Variants in RBFOX1 observed in about 807,000 individuals in gnomAD.
The protein encoded by RBFOX1 is RNA binding protein fox-1 homolog 1.
A neutral mutation model predicts 57.7 loss-of-function variants in RBFOX1; 8 were observed. The observed-to-expected ratio is 0.14, with a 90% CI of 0.08 to 0.25. The LOEUF (loss-of-function observed/expected upper bound fraction) is 0.25. Ranked by LOEUF, RBFOX1 falls within the 10% of genes least tolerant of loss-of-function variation. The pLI, the probability that RBFOX1 is intolerant of heterozygous loss-of-function variation, is 1.00. For synonymous variants in RBFOX1, 326 were observed against 222.4 expected, an observed-to-expected ratio of 1.47 and a Z score of -4.15; for missense variants, 611 against 548.5, an observed-to-expected ratio of 1.11 and a Z score of -1.14.
chr16:5,672,679 A>T (rs1344035886), intron 3 of RBFOX1, among the ~76,000 whole-genome samples: 1 of 151,904 alleles, frequency 6.6e-6, no homozygotes, highest in Non-Finnish European at 1.5e-5. Context: ...TTCTTTTATA[A>T]CCACCACCTC....
intron 2 of RBFOX1, among the ~76,000 whole-genome samples, chr16:6,518,624 C>A (rs184036013): frequency 6.6e-6 from 1 of 152,256 alleles, no homozygotes; most frequent in African/African-American, 2.4e-5. Context: ...GCTCTTGGGG[C>A]TTCTTGACAT....
chr16:7,358,371 T>C (rs1400458332), intron 4 of RBFOX1, among the ~76,000 whole-genome samples: 2 of 152,230 alleles, frequency 1.3e-5, no homozygotes, highest in African/African-American at 4.8e-5. Flanking sequence ...AGCTCCTGCA[T>C]TTTATTCAAG....
chr16:6,140,021 C>T (rs1031289987), intron 1 of RBFOX1, among the ~76,000 whole-genome samples: 1 of 151,958 alleles, frequency 6.6e-6, no homozygotes, highest in Non-Finnish European at 1.5e-5. Context: ...GTTAATTTGT[C>T]TTACCAAATG....
chr16:6,973,799 A>G (rs2086139892), intron 3 of RBFOX1, among the ~76,000 whole-genome samples: 1 of 152,088 alleles, frequency 6.6e-6, no homozygotes, highest in African/African-American at 2.4e-5. Context: ...TTTAAGTTCC[A>G]GGGTACATGT....
chr16:6,320,039 G>A (rs58382197), intron 2 of RBFOX1, among the ~76,000 whole-genome samples: 3,452 of 151,992 alleles, frequency 0.023, 139 homozygotes, highest in African/African-American at 0.078. Context: ...TAAGAATTGC[G>A]TCAATTTCAA....
At chr16:5,291,390 G>T (rs1439262211) in intron 1 of RBFOX1, among the ~76,000 whole-genome samples, 1 of 151,228 alleles carries the variant, frequency 6.6e-6, no homozygotes, top group Non-Finnish European at 1.5e-5. Flanking sequence ...AGCCTCCCGA[G>T]TAGCTGGGAC....
At chr16:5,416,628 G>A (rs189079132) in intron 1 of RBFOX1, among the ~76,000 whole-genome samples, 8 of 151,456 alleles carry the variant, frequency 5.3e-5, no homozygotes, top group South Asian at 2.1e-4. Context: ...TCTGAACTGC[G>A]TGATTTGAAG....
At chr16:6,214,255 C>G (rs2097316665) in intron 1 of RBFOX1, among the ~76,000 whole-genome samples, 1 of 152,020 alleles carries the variant, frequency 6.6e-6, no homozygotes, top group Non-Finnish European at 1.5e-5. Flanking sequence ...TCTTCAGAAT[C>G]TTTAATATGC....
chr16:7,562,923 A>C (rs2090752790), intron 5 of RBFOX1, among the ~76,000 whole-genome samples: 1 of 152,188 alleles, frequency 6.6e-6, no homozygotes, highest in South Asian at 2.1e-4. Flanking sequence ...GACTGGCCTG[A>C]GTTTTAACAA....
chr16:7,089,577 CTCTT>C (rs1286060584), intron 4 of RBFOX1, among the ~76,000 whole-genome samples: 4 of 152,140 alleles, frequency 2.6e-5, no homozygotes, highest in African/African-American at 7.2e-5. Flanking sequence ...GCTAGTCACA[CTCTT>C]TCTCTGAGTT....
At chr16:7,302,507 C>A (rs528406370) in intron 4 of RBFOX1, among the ~76,000 whole-genome samples, 1 of 151,962 alleles carries the variant, frequency 6.6e-6, no homozygotes, top group Non-Finnish European at 1.5e-5. Flanking sequence ...TGTGAGAGAG[C>A]CCCCATCCCC....
At chr16:7,029,527 C>G (rs1045526876) in intron 3 of RBFOX1, among the ~76,000 whole-genome samples, 1 of 151,870 alleles carries the variant, frequency 6.6e-6, no homozygotes, top group Non-Finnish European at 1.5e-5. Flanking sequence ...AGTGCTAGCT[C>G]TTAAGAAATC....
intron 3 of RBFOX1, among the ~76,000 whole-genome samples, chr16:6,969,700 T>C (rs1047080974): frequency 6.6e-6 from 1 of 152,074 alleles, no homozygotes. Context: ...GCTGAAATAG[T>C]GCCACCTCAC....
At chr16:7,610,118 C>CCTTTTTTTTTTT (rs71394327) in intron 10 of RBFOX1, among the ~76,000 whole-genome samples, 6 of 65,622 alleles carry the variant, frequency 9.1e-5, no homozygotes, top group Non-Finnish European at 1.5e-4. Context: ...GCCCGGCCCC[C>CCTTTTTTTTTTT]TTTTTTTTTT....
intron 1 of RBFOX1, among the ~76,000 whole-genome samples, chr16:6,185,373 T>C (rs1446997548): frequency 6.6e-6 from 1 of 152,224 alleles, no homozygotes; most frequent in East Asian, 1.9e-4. Context: ...GGTGATCTTA[T>C]CCTGTTTCAA....
rs374920607 is a variant in RBFOX1, at chr16:6,533,022, A to C, written c.-63-121581A>C. On this transcript the variant is annotated intron_variant, in intron 2 of 15. Coordinates refer to ENST00000550418, the MANE Select transcript of RBFOX1 (RefSeq NM_018723.4). ...AGCTACTTGGGAATGAGTCCTAAGA[A>C]GATTCATCTTACTTCTGATGCATCA... 1.4e-4 allele frequency among the ~76,000 whole-genome samples: 22 copies of C among 152,296 alleles called. No individual in the cohort carries two copies. In the East Asian group the frequency reaches 3.3e-3, roughly 23 times the overall value.
At chr16:6,739,510 A>G (rs943619137) in intron 3 of RBFOX1, among the ~76,000 whole-genome samples, 1 of 127,326 alleles carries the variant, frequency 7.9e-6, no homozygotes, top group Non-Finnish European at 1.6e-5. Flanking sequence ...TCTCCGGTCT[A>G]AATGGTTTCA....
At chr16:7,018,797 A>AAAAG (rs1555776214) in intron 3 of RBFOX1, among the ~76,000 whole-genome samples, 13 of 151,094 alleles carry the variant, frequency 8.6e-5, no homozygotes, top group Non-Finnish European at 1.9e-4. Flanking sequence ...TAAAAAAAAA[A>AAAAG]AAGAAGAAAT....
intron 1 of RBFOX1, among the ~76,000 whole-genome samples, chr16:6,169,939 A>AT (rs574617646): frequency 2.4e-4 from 36 of 150,976 alleles, no homozygotes; most frequent in African/African-American, 7.0e-4. Context: ...TAGTTTTTGT[A>AT]TTTTTTTTTA....
Sources: gnomAD v4.1 joint callset for allele counts (sites outside exome capture counted in the v4.1 genomes callset) on GRCh38, gnomAD v4.1.1 for gene constraint, MANE v1.5 for transcripts, NCBI Gene and HGNC (gene_info 2026-07-23, HGNC 2026-07-21) for gene names.